The following STIM2 variants were observed in gnomAD, a reference collection of about 807,000 sequenced individuals.
STIM2 encodes stromal interaction molecule 2.
A neutral mutation model predicts 85.8 loss-of-function variants in STIM2; 31 were observed. The observed-to-expected ratio is 0.36, with a 90% confidence interval of 0.27 to 0.49. The LOEUF is 0.49. STIM2 is among the 20% of genes least tolerant of loss of function. STIM2 has a pLI of 0.98. For synonymous variants in STIM2, 356 were observed against 331.1 expected (o/e 1.08, Z -0.82); for missense variants, 841 against 927.6 (o/e 0.91, Z 1.21).
intron 11 of STIM2, among the ~76,000 whole-genome samples, chr4:27,018,337 C>T (rs1042610247): frequency 1.3e-5 from 2 of 152,308 alleles, no homozygotes; most frequent in African/African-American, 2.4e-5. Flanking sequence ...TTTCTGTCAG[C>T]TGCATGGCGG....
intron 11 of STIM2, chr4:27,019,745 A>G (rs550595265): frequency 1.3e-5 from 4 of 305,056 alleles, no homozygotes; most frequent in South Asian, 3.0e-5. Flanking sequence ...ATGCACATAT[A>G]TGCTCATTTA....
At chr4:26,883,139 G>T (rs947402845) in intron 1 of STIM2, among the ~76,000 whole-genome samples, 1 of 151,070 alleles carries the variant, frequency 6.6e-6, no homozygotes, top group Non-Finnish European at 1.5e-5. Context: ...ATGAGCCACT[G>T]TACCCGGCCT....
intron 1 of STIM2, among the ~76,000 whole-genome samples, chr4:26,869,802 T>C (rs1722544328): frequency 6.6e-6 from 1 of 151,266 alleles, no homozygotes; most frequent in Admixed American, 6.6e-5. Flanking sequence ...TGGTAGCTTA[T>C]CTAGTATCCT....
rs118163510 is a variant in STIM2, at chr4:26,986,017, C to T, written c.398-9362C>T. On this transcript the variant is annotated intron_variant, in intron 3 of 11. Coordinates refer to ENST00000467087, the MANE Select transcript of STIM2 (RefSeq NM_020860.4). The stretch of plus-strand genomic sequence containing the variant: ...CTTGAGGTTTGAGGTTTCCTCAGAA[C>T]GCAGGAGATGGTTAAGAGTTGGCCT... 3.0e-3 allele frequency among the ~76,000 whole-genome samples: 458 copies of T among 152,246 alleles called. 17 individuals are homozygous for T. The East Asian group carries it at 0.058, about 19-fold the overall frequency.
intron 1 of STIM2, among the ~76,000 whole-genome samples, chr4:26,890,661 A>G (rs1723434557): frequency 6.6e-6 from 1 of 151,846 alleles, no homozygotes; most frequent in Non-Finnish European, 1.5e-5. Context: ...CGTCTCTACT[A>G]AAAATACAAA....
intron 2 of STIM2, among the ~76,000 whole-genome samples, chr4:26,931,912 G>A (rs1725220229): frequency 6.6e-6 from 1 of 152,138 alleles, no homozygotes. Flanking sequence ...ATGGGAAAAT[G>A]GATTACGTGG....
At chr4:26,997,891 A>G (rs1468420564) in intron 4 of STIM2, among the ~76,000 whole-genome samples, 2 of 152,248 alleles carry the variant, frequency 1.3e-5, no homozygotes, top group African/African-American at 4.8e-5. Flanking sequence ...GAAGCCTCAT[A>G]GGAGTTCCTG....
intron 3 of STIM2, among the ~76,000 whole-genome samples, chr4:26,993,711 G>A (rs567689534): frequency 1.3e-5 from 2 of 152,138 alleles, no homozygotes; most frequent in East Asian, 3.9e-4. Context: ...CCTTCCCTTT[G>A]CATAAACTCA....
At chr4:26,911,807 C>T (rs1413008574) in intron 1 of STIM2, among the ~76,000 whole-genome samples, 1 of 152,042 alleles carries the variant, frequency 6.6e-6, no homozygotes, top group Non-Finnish European at 1.5e-5. Flanking sequence ...ACTCATTTTT[C>T]TCTAAAAAAT....
intron 10 of STIM2, among the ~76,000 whole-genome samples, chr4:27,013,674 T>TAAAA (rs1560240631): frequency 6.6e-6 from 1 of 152,046 alleles, no homozygotes; most frequent in Non-Finnish European, 1.5e-5. Context: ...AGCTTCCTTT[T>TAAAA]CTGTGAAATG....
chr4:26,915,953 C>G (rs765119275), intron 1 of STIM2, among the ~76,000 whole-genome samples: 4 of 152,106 alleles, frequency 2.6e-5, no homozygotes, highest in Non-Finnish European at 4.4e-5. Flanking sequence ...TATGGAGTAC[C>G]TGATGTCCAC....
chr4:26,942,843 C>A (rs867067209), intron 2 of STIM2, among the ~76,000 whole-genome samples: 1 of 152,194 alleles, frequency 6.6e-6, no homozygotes, highest in South Asian at 2.1e-4. Context: ...GGTTATCTTA[C>A]CTAATTTCAA....
chr4:26,879,332 CT>C (rs879419339), intron 1 of STIM2, among the ~76,000 whole-genome samples: 278 of 144,870 alleles, frequency 1.9e-3, no homozygotes, highest in Admixed American at 1.5e-3. Flanking sequence ...AACTGTTAAT[CT>C]TTTTTTTTTT....
At chr4:26,942,075 A>C (rs1725628094) in intron 2 of STIM2, among the ~76,000 whole-genome samples, 3 of 152,182 alleles carry the variant, frequency 2.0e-5, no homozygotes, top group Non-Finnish European at 2.9e-5. Flanking sequence ...ATCTTATCCC[A>C]GCAATCTAAC....
At chr4:26,873,758 C>A in intron 1 of STIM2, 1 of 884,184 alleles carries the variant, frequency 1.1e-6, no homozygotes. Context: ...AGGTCACTGT[C>A]AGACTCACTG....
chr4:26,889,501 A>G (rs1356160182), intron 1 of STIM2, among the ~76,000 whole-genome samples: 8 of 152,232 alleles, frequency 5.3e-5, no homozygotes, highest in Non-Finnish European at 1.0e-4. Flanking sequence ...AGAGAAATCC[A>G]TATCTAGAGT....
intron 2 of STIM2, among the ~76,000 whole-genome samples, chr4:26,929,965 A>T (rs994734765): frequency 1.3e-5 from 2 of 152,182 alleles, no homozygotes; most frequent in Admixed American, 6.6e-5. Flanking sequence ...GTACTTGGAC[A>T]AATAAGAGAA....
chr4:27,003,205 G>C, intron 7 of STIM2, 101 bp downstream of exon 7: 1 of 1,136,708 alleles, frequency 8.8e-7, no homozygotes, highest in Non-Finnish European at 1.2e-6. Flanking sequence ...TAGTTCCACT[G>C]TAGTTCCTCA....
At position 26,999,349 on chromosome 4, in the gene STIM2, T is replaced by G. The variant is rs1029720357; in HGVS notation, c.625+2T>G. On this transcript the variant is annotated splice_donor_variant, in intron 5 of 11. Coordinates refer to ENST00000467087, the MANE Select transcript of STIM2 (RefSeq NM_020860.4). LOFTEE classifies it high-confidence loss of function. ...TGGTTTTGTTTGGACCTCTAACACGTTAGTATTCTCTCTCACTCAGAGGAT... is the reference window on the plus strand; with the variant it reads ...TGGTTTTGTTTGGACCTCTAACACGGTAGTATTCTCTCTCACTCAGAGGAT... 6.3e-7 allele frequency: 1 copy of G among 1,579,928 alleles called. No individual in the cohort carries two copies. Among genetic ancestry groups the G allele is most frequent in the African/African-American group, 1.4e-5 (1 of 73,528 alleles).
Sources: gnomAD v4.1 joint callset for allele counts (sites outside exome capture counted in the v4.1 genomes callset) on GRCh38, gnomAD v4.1.1 for gene constraint, MANE v1.5 for transcripts, NCBI Gene and HGNC (gene_info 2026-07-23, HGNC 2026-07-21) for gene names.